COQ6: variants seen among roughly 807,000 people sequenced by gnomAD.
COQ6 encodes the protein ubiquinone biosynthesis monooxygenase COQ6, mitochondrial.
Under a neutral mutation model 55.5 loss-of-function variants are expected in COQ6, and 45 were observed. The observed-to-expected ratio is 0.81, with a 90% CI of 0.64 to 1.04. COQ6 has a LOEUF of 1.04. Ranked by LOEUF, COQ6 falls within the 50% of genes least tolerant of loss-of-function variation. The probability of loss-of-function intolerance (pLI) is 0.00; values close to 1 mark genes in which losing one functional copy is unlikely to be tolerated. For missense variants in COQ6, 550 were observed against 601.3 expected (o/e 0.91, Z 0.89); for synonymous variants, 206 against 230.5 (o/e 0.89, Z 0.96).
chr14:73,956,749 A>T (rs1012083751), intron 4 of COQ6: 1 of 152,206 alleles, frequency 6.6e-6, no homozygotes, highest in African/African-American at 2.4e-5. Context: ...TATTTTAAAT[A>T]TAAATTTATC....
intron 4 of COQ6, chr14:73,956,708 ATTTGTT>A (rs2056453995): frequency 2.0e-5 from 3 of 152,080 alleles, no homozygotes; most frequent in Non-Finnish European, 4.4e-5. Flanking sequence ...AAATTGGATT[ATTTGTT>A]TTTGAGTTAT....
intron 1 of COQ6, 126 bp downstream of exon 1, chr14:73,950,621 C>G: frequency 7.2e-7 from 1 of 1,392,706 alleles, no homozygotes; most frequent in Non-Finnish European, 9.6e-7. Flanking sequence ...TCTCCCCTCC[C>G]CTCCTAGAGG....
At position 73,959,042 on chromosome 14, in the gene COQ6, C is replaced by T. The variant is rs766028461; in HGVS notation, c.684C>T (p.Asp228=). 5 of 1,614,178 alleles carry T rather than the reference C, an allele frequency of 3.1e-6. No homozygotes were observed. The highest frequency in any genetic ancestry group is 4.2e-6 in the Non-Finnish European group (5 of 1,180,032). The part of the protein sequence containing the change: ...VGIQNVSWNY[D]QSAVVATLHL... ...TCCAGAATGTGAGCTGGAACTATGA[C>T]CAGTCTGCTGTTGTGGCTACTCTGC... The change falls in exon 6 of 12, where the codon GAC becomes GAT. Residue 228 remains aspartate, a synonymous_variant. Coordinates refer to ENST00000334571, the MANE Select transcript of COQ6 (RefSeq NM_182476.3).
chr14:73,956,089 C>T (rs1336857471), intron 4 of COQ6, 161 bp downstream of exon 4: 1 of 946,912 alleles, frequency 1.1e-6, no homozygotes, highest in African/African-American at 1.6e-5. Context: ...CTTTTGGAGG[C>T]TAAGGCGGGC....
In COQ6 at chr14:73,955,820, T is replaced by C; in HGVS notation, c.373T>C (p.Ser125Pro). 6.2e-7 allele frequency: 1 copy of C among 1,614,164 alleles called. No individual in the cohort carries two copies. The highest frequency in any genetic ancestry group is 8.5e-7 in the Non-Finnish European group (1 of 1,180,012). The change falls in exon 4 of 12, where the codon TCA becomes CCA. Residue 125 changes from serine (S) to proline (P), a missense_variant. Coordinates refer to ENST00000334571, the MANE Select transcript of COQ6 (RefSeq NM_182476.3). ...FRRMQVWDAC[S>P]EALIMFDKDN... Reference sequence around the variant, plus strand: ...GTGTTTCCAGGTGTGGGACGCCTGCTCAGAGGCCCTGATAATGTTTGATAA... The same window carrying C: ...GTGTTTCCAGGTGTGGGACGCCTGCCCAGAGGCCCTGATAATGTTTGATAA...
At chr14:73,961,679 G>T in intron 10 of COQ6, 58 bp from the exon 11 acceptor site, 2 of 1,610,388 alleles carry the variant, frequency 1.2e-6, no homozygotes. Context: ...GGCTTGCTAG[G>T]AGATGGAAGA....
At chr14:73,951,455 A>G (rs1272826752) in intron 1 of COQ6, among the ~76,000 whole-genome samples, 1 of 150,700 alleles carries the variant, frequency 6.6e-6, no homozygotes, top group Non-Finnish European at 1.5e-5. Context: ...GCTCACTGCA[A>G]CCTCTGGGAT....
chr14:73,961,382 C>A lies in COQ6; in HGVS notation c.1094+7C>A. 6.2e-7 allele frequency: 1 copy of A among 1,614,142 alleles called. No individual in the cohort carries two copies. The highest frequency in any genetic ancestry group is 8.5e-7 in the Non-Finnish European group (1 of 1,180,030). On this transcript the variant is annotated splice_region_variant and intron_variant, in intron 9 of 11. Transcript: ENST00000334571. Reference sequence around the variant, plus strand: ...CTCGGGTGGCGCTCATTGGGTAAGACGATAACAGAGCAGGGCCACTCCCTT... The same window carrying A: ...CTCGGGTGGCGCTCATTGGGTAAGAAGATAACAGAGCAGGGCCACTCCCTT...
At position 73,961,506 on chromosome 14, in the gene COQ6, C is replaced by T. The variant is rs1429020772; in HGVS notation, c.1146C>T (p.Gly382=). Residue 382 remains glycine (G), a synonymous_variant, in exon 10 of 12, where the codon GGC becomes GGT. Coordinates refer to ENST00000334571, the MANE Select transcript of COQ6 (RefSeq NM_182476.3). ...TTGCAGGACAGGGTGTCAACATGGG[C>T]TTTGGGGATATCTCCAGCTTGGCCC... ...HPLAGQGVNM[G]FGDISSLAHH... The T allele has an allele frequency of 6.2e-7, 1 of 1,614,086 alleles. No homozygotes were observed. Among genetic ancestry groups the T allele is most frequent in the African/African-American group, 1.3e-5 (1 of 74,918 alleles).
At chr14:73,957,891 G>A (rs184983711) in intron 4 of COQ6, 449 of 452,300 alleles carry the variant, frequency 9.9e-4, no homozygotes, top group Non-Finnish European at 1.6e-3. Flanking sequence ...TGGAGGCGCA[G>A]AAGCATGTGG....
At chr14:73,959,696 A>C (rs1322621145) in intron 8 of COQ6, 174 bp downstream of exon 8, 31 of 1,292,046 alleles carry the variant, frequency 2.4e-5, no homozygotes, top group Non-Finnish European at 3.2e-5. Context: ...CAGCCTCCTA[A>C]GTAGCTGGGA....
rs2056837209 is a variant in COQ6 at position 73,963,260 on chromosome 14, A to G, written c.*261A>G. On this transcript the variant is annotated 3_prime_UTR_variant, in exon 12 of 12. Transcript: ENST00000334571. ...TTGAAAAGAGCTTTTTATTACTAAA[A>G]AACCCACAAGGTGCTGTCTCACTCA... 3.6e-6 allele frequency: 2 copies of G among 562,360 alleles called. No individual in the cohort carries two copies. Among genetic ancestry groups the G allele is most frequent in the Non-Finnish European group, 6.3e-6 (2 of 319,530 alleles). 34.8% of individuals were successfully genotyped at this position (562,360 alleles called of 1,614,324 possible).
upstream of COQ6, chr14:73,949,926 C>G (rs1466039552): frequency 6.2e-7 from 1 of 1,608,578 alleles, no homozygotes. Context: ...CCAACAGTTT[C>G]CTCTCCGGGA....
In COQ6 at chr14:73,950,346, T is replaced by C; in HGVS notation, c.14T>C (p.Leu5Pro). MAAR[L>P]VSRCGAVRAA... ...CAGGTCTGCACCATGGCGGCCCGGC[T>C]TGTCAGCCGATGCGGGGCTGTGCGT... Residue 5 changes from leucine to proline, a missense_variant, in exon 1 of 12, where the codon CTT becomes CCT. Transcript: ENST00000334571. 1 of 1,553,868 alleles carries C rather than the reference T, an allele frequency of 6.4e-7. No homozygotes were observed. The highest frequency in any genetic ancestry group is 1.2e-5 in the South Asian group (1 of 85,178).
Position 73,961,489 on chromosome 14 carries a change from C to G in COQ6, c.1129C>G (p.Gln377Glu), listed in dbSNP as rs551734017. 5.6e-6 allele frequency: 9 copies of G among 1,614,202 alleles called. No individual in the cohort carries two copies. In the East Asian group the frequency reaches 1.8e-4, roughly 32 times the overall value. Residue 377 changes from glutamine to glutamate, a missense_variant, in exon 10 of 12, where the codon CAG becomes GAG. By Grantham distance (29) the Gln-to-Glu change is conservative. Transcript: ENST00000334571. ...AAHRVHPLAG[Q>E]GVNMGFGDIS... ...CCACAGAGTCCATCCGCTTGCAGGA[C>G]AGGGTGTCAACATGGGCTTTGGGGA...
chr14:73,962,910 A>G (rs906165275), intron 11 of COQ6, 60 bp from the exon 12 acceptor site: 77 of 1,362,162 alleles, frequency 5.7e-5, no homozygotes, highest in African/African-American at 2.7e-4. Context: ...ATTATCTACA[A>G]TAATTATTTT....
chr14:73,953,322 C>G, intron 1 of COQ6, 113 bp from the exon 2 acceptor site: 1 of 973,060 alleles, frequency 1.0e-6, no homozygotes, highest in African/African-American at 1.6e-5. Context: ...TGTTTATGTT[C>G]TCTGTAAGAA....
chr14:73,957,110 T>G (rs1042271839), intron 4 of COQ6, among the ~76,000 whole-genome samples: 13 of 151,586 alleles, frequency 8.6e-5, no homozygotes, highest in South Asian at 2.1e-4. Flanking sequence ...TATTTTTTTT[T>G]TTTTGGAGAT....
At chr14:73,956,598 C>T (rs1484663707) in intron 4 of COQ6, 2 of 152,258 alleles carry the variant, frequency 1.3e-5, no homozygotes, top group East Asian at 3.8e-4. Flanking sequence ...GGTTGCATTT[C>T]CTTAATAACT....
Sources: gnomAD v4.1 joint callset for allele counts (sites outside exome capture counted in the v4.1 genomes callset) on GRCh38, gnomAD v4.1.1 for gene constraint, MANE v1.5 for transcripts, NCBI Gene and HGNC (gene_info 2026-07-23, HGNC 2026-07-21) for gene names.